MADD: variants seen among roughly 807,000 people sequenced by gnomAD.
MADD encodes MAP kinase activating death domain.
Under a neutral mutation model 176.7 loss-of-function variants are expected in MADD, and 109 were observed. That is an observed-to-expected ratio of 0.62 (90% CI 0.53 to 0.72). The LOEUF (loss-of-function observed/expected upper bound fraction) is 0.72. Ranked by LOEUF, MADD falls within the 30% of genes least tolerant of loss-of-function variation. The probability of loss-of-function intolerance (pLI) is 0.00; values close to 1 mark genes in which losing one functional copy is unlikely to be tolerated. For missense variants in MADD, 1,914 were observed against 2,045.5 expected (o/e 0.94, Z 1.24); for synonymous variants, 771 against 771.3 (o/e 1.00, Z 0.01).
chr11:47,327,442 C>G (rs747505723), intron 31 of MADD: 2 of 985,300 alleles, frequency 2.0e-6, no homozygotes, highest in African/African-American at 3.5e-5. Context: ...CGTTCTCCAG[C>G]AGGTAAAGTG....
intron 22 of MADD, among the ~76,000 whole-genome samples, chr11:47,297,510 G>A (rs1443078791): frequency 2.7e-5 from 4 of 150,718 alleles, no homozygotes; most frequent in African/African-American, 7.3e-5. Flanking sequence ...GCAGTGGTGC[G>A]ATCTCGGCTC....
intron 25 of MADD, among the ~76,000 whole-genome samples, chr11:47,309,930 C>T (rs1340789660): frequency 1.3e-5 from 2 of 151,700 alleles, no homozygotes; most frequent in African/African-American, 4.8e-5. Context: ...CAACCTCTGC[C>T]TCCCCAGTTC....
chr11:47,327,872 G>A, intron 31 of MADD: 1 of 985,370 alleles, frequency 1.0e-6, no homozygotes, highest in Non-Finnish European at 1.2e-6. Context: ...GCTGAGCCTG[G>A]GGGGCCTACT....
rs147713337 is a variant in MADD at position 47,278,184 on chromosome 11, C to T, written c.1115C>T (p.Pro372Leu). Residue 372 changes from proline to leucine, a missense_variant, in exon 6 of 33, where the codon CCG becomes CTG. Coordinates refer to ENST00000402192, the Ensembl canonical transcript of MADD. ...CCACAGCTGCTGTTGGCTCCAACCC[C>T]GTACATCATTGGGGTTCCTGCCAGC... 5 of 1,613,922 alleles carry T rather than the reference C, an allele frequency of 3.1e-6. No homozygotes were observed. Among genetic ancestry groups the T allele is most frequent in the Non-Finnish European group, 4.2e-6 (5 of 1,179,850 alleles).
chr11:47,275,877 A>AT, intron 3 of MADD, 22 bp from the exon 4 acceptor site: 1 of 1,589,140 alleles, frequency 6.3e-7, no homozygotes, highest in East Asian at 2.2e-5. Context: ...AATGTGTCTG[A>AT]TTCCTGCTGT....
intron 26 of MADD, among the ~76,000 whole-genome samples, chr11:47,314,157 CTTG>C (rs1035982390): frequency 1.3e-5 from 2 of 151,860 alleles, no homozygotes; most frequent in African/African-American, 4.8e-5. Flanking sequence ...GGGAGGATCA[CTTG>C]AGCTCAGGAG....
rs147229203 is a variant in MADD, at chr11:47,324,108, A to G, written c.4363-157A>G. The G allele has an allele frequency of 9.4e-3, 6,462 of 690,550 alleles. 42 individuals carry two copies. Among genetic ancestry groups the G allele is most frequent in the Non-Finnish European group, 0.014 (5,365 of 392,890 alleles). 42.8% of individuals were successfully genotyped at this position (690,550 alleles called of 1,614,324 possible). ...TTCATATGCTCCGGATCTATCATTC[A>G]TAACCTCAACAATGAATAAGACATC... is the stretch of plus-strand genomic sequence containing the variant. On this transcript the variant is annotated intron_variant, in intron 28 of 32. Coordinates refer to ENST00000402192, the Ensembl canonical transcript of MADD.
At chr11:47,283,036 A>C in intron 10 of MADD, 67 bp downstream of exon 10, 1 of 1,474,990 alleles carries the variant, frequency 6.8e-7, no homozygotes, top group South Asian at 1.3e-5. Context: ...CTTCTTTAGC[A>C]CAGAGAAGGC....
exon 4 of MADD, chr11:47,276,095 G>A (rs1251409536): frequency 6.2e-7 from 1 of 1,614,208 alleles, no homozygotes; most frequent in South Asian, 1.1e-5. Flanking sequence ...TGCTCTTCCA[G>A]ACCCATCTCG....
Position 47,274,817 on chromosome 11 carries a change from C to CT in MADD, c.318dup (p.Lys107Ter). 6.2e-7 allele frequency: 1 copy of CT among 1,614,236 alleles called. No homozygotes were observed. The highest frequency in any genetic ancestry group is 8.5e-7 in the Non-Finnish European group (1 of 1,180,042). On this transcript the variant is annotated frameshift_variant, in exon 3 of 33. Coordinates refer to ENST00000402192, the Ensembl canonical transcript of MADD. LOFTEE classifies it high-confidence loss of function. The stretch of plus-strand genomic sequence containing the variant: ...TACCGCTCCTTCCAAAAGCGAATCT[C>CT]TAAGGAGAAGGGGGAAGGTGGGGCA...
chr11:47,308,643 C>G, exon 23 of MADD: 1 of 1,614,002 alleles, frequency 6.2e-7, no homozygotes, highest in South Asian at 1.1e-5. Context: ...GCAGGCAGCC[C>G]CATTCGTACT....
intron 26 of MADD, among the ~76,000 whole-genome samples, chr11:47,312,751 T>A (rs190512036): frequency 2.3e-3 from 349 of 152,328 alleles, no homozygotes; most frequent in African/African-American, 8.0e-3. Flanking sequence ...CTTAGTTTTT[T>A]AAAAATGCCA....
intron 27 of MADD, among the ~76,000 whole-genome samples, chr11:47,316,157 G>A (rs746680741): frequency 3.4e-4 from 43 of 127,492 alleles, no homozygotes; most frequent in East Asian, 2.5e-3. Flanking sequence ...ATACACGTGC[G>A]CGCGCACACA....
chr11:47,275,582 C>T (rs2048962448), intron 3 of MADD, among the ~76,000 whole-genome samples: 1 of 152,206 alleles, frequency 6.6e-6, no homozygotes, highest in South Asian at 2.1e-4. Flanking sequence ...TGAGCATCAT[C>T]CCCAGCCAAG....
chr11:47,322,156 A>G (rs969787526), intron 27 of MADD, among the ~76,000 whole-genome samples: 3 of 152,158 alleles, frequency 2.0e-5, no homozygotes, highest in Non-Finnish European at 4.4e-5. Flanking sequence ...TACTGTTACT[A>G]TCCCCATCTT....
At chr11:47,326,621 C>G in intron 30 of MADD, 69 bp downstream of exon 34, 1 of 1,503,178 alleles carries the variant, frequency 6.7e-7, no homozygotes, top group Non-Finnish European at 8.9e-7. Flanking sequence ...TTCTTCTGTC[C>G]TCTCTTTGGG....
chr11:47,299,584 G>GTTTTTTTTTTT (rs1565442765), intron 22 of MADD, among the ~76,000 whole-genome samples: 2 of 65,234 alleles, frequency 3.1e-5, no homozygotes, highest in African/African-American at 1.0e-4. Flanking sequence ...AGATTTTAGG[G>GTTTTTTTTTTT]CTTTTTTTTT....
chr11:47,282,257 AGATATCTCTCCCCTT>A, intron 8 of MADD, 109 bp from the exon 9 acceptor site: 1 of 694,914 alleles, frequency 1.4e-6, no homozygotes, highest in Non-Finnish European at 2.5e-6. Context: ...TGATTCTTTA[AGATATCTCTCCCCTT>A]GATGTTGGAA....
chr11:47,290,707 A>G (rs2064415681), exon 19 of MADD: 2 of 1,614,168 alleles, frequency 1.2e-6, no homozygotes. Flanking sequence ...AGGCTATGGC[A>G]CAACTGAGAG....
Sources: gnomAD v4.1 joint callset for allele counts (sites outside exome capture counted in the v4.1 genomes callset) on GRCh38, gnomAD v4.1.1 for gene constraint, MANE v1.5 for transcripts, NCBI Gene and HGNC (gene_info 2026-07-23, HGNC 2026-07-21) for gene names.